COP1: variants seen among roughly 807,000 people sequenced by gnomAD.
The protein encoded by COP1 is E3 ubiquitin-protein ligase COP1.
A neutral mutation model predicts 101.3 loss-of-function variants in COP1; 24 were observed. The observed-to-expected ratio is 0.24, with a 90% CI of 0.17 to 0.33. COP1 has a LOEUF of 0.33. Ranked by LOEUF, COP1 falls within the 10% of genes least tolerant of loss-of-function variation. The probability of loss-of-function intolerance (pLI) is 1.00; values close to 1 mark genes in which losing one functional copy is unlikely to be tolerated. For synonymous variants in COP1, 347 were observed against 341.9 expected (o/e 1.01, Z -0.17); for missense variants, 663 against 906.2 (o/e 0.73, Z 3.45).
At chr1:176,010,374 G>A (rs1045234880) in intron 15 of COP1, among the ~76,000 whole-genome samples, 1 of 151,950 alleles carries the variant, frequency 6.6e-6, no homozygotes, top group Non-Finnish European at 1.5e-5. Flanking sequence ...GTTTAAAAAA[G>A]GGCCTGAATA....
At chr1:175,991,936 T>C (rs1348842196) in intron 15 of COP1, among the ~76,000 whole-genome samples, 1 of 152,182 alleles carries the variant, frequency 6.6e-6, no homozygotes, top group African/African-American at 2.4e-5. Context: ...GGCTGTTGTA[T>C]AGTAACTTAA....
chr1:176,078,035 T>G (rs570074984), intron 11 of COP1, among the ~76,000 whole-genome samples: 1 of 152,248 alleles, frequency 6.6e-6, no homozygotes, highest in East Asian at 1.9e-4. Flanking sequence ...TAAGCATGAT[T>G]TGGAAGAATC....
chr1:176,198,280 G>A (rs1482934430), intron 1 of COP1, among the ~76,000 whole-genome samples: 1 of 152,008 alleles, frequency 6.6e-6, no homozygotes, highest in African/African-American at 2.4e-5. Flanking sequence ...ACTTGTGTAG[G>A]GATAAACATA....
At chr1:176,016,137 G>A (rs1024443312) in intron 15 of COP1, among the ~76,000 whole-genome samples, 2 of 152,146 alleles carry the variant, frequency 1.3e-5, no homozygotes, top group African/African-American at 4.8e-5. Flanking sequence ...AAGTAGAATA[G>A]AAATGTCTGG....
At chr1:176,057,432 C>G (rs997637325) in intron 11 of COP1, among the ~76,000 whole-genome samples, 3 of 152,310 alleles carry the variant, frequency 2.0e-5, no homozygotes, top group Middle Eastern at 6.8e-3. Context: ...TGCAACCCCC[C>G]TGCCTGATTC....
At chr1:176,019,065 C>T (rs1489811923) in intron 15 of COP1, among the ~76,000 whole-genome samples, 1 of 152,108 alleles carries the variant, frequency 6.6e-6, no homozygotes, top group African/African-American at 2.4e-5. Context: ...ACTTGGAAGG[C>T]TGAGGCACGA....
chr1:176,025,192 A>G (rs1667454583), intron 15 of COP1, among the ~76,000 whole-genome samples: 2 of 152,172 alleles, frequency 1.3e-5, no homozygotes, highest in African/African-American at 4.8e-5. Context: ...AAAAGTAGAT[A>G]TTCTAAACAG....
chr1:175,997,440 C>G (rs1660457039), intron 15 of COP1, among the ~76,000 whole-genome samples: 1 of 152,000 alleles, frequency 6.6e-6, no homozygotes, highest in African/African-American at 2.4e-5. Flanking sequence ...GCAAAAGAAA[C>G]TACCATCAGA....
intron 3 of COP1, among the ~76,000 whole-genome samples, chr1:176,173,986 CAAAA>C (rs1212803591): frequency 4.3e-4 from 21 of 49,076 alleles, no homozygotes; most frequent in East Asian, 8.9e-4. Flanking sequence ...GATGCTGTCT[CAAAA>C]AAAAAAAAAA....
chr1:176,133,167 T>TGTACACACATACGTATATACGTAC (rs1689190418), intron 8 of COP1, among the ~76,000 whole-genome samples: 2 of 120,086 alleles, frequency 1.7e-5, no homozygotes, highest in African/African-American at 2.7e-5. Flanking sequence ...TATATACGTA[T>TGTACACACATACGTATATACGTAC]GTACACACAT....
chr1:176,205,378 C>T (rs1700724948), intron 1 of COP1, among the ~76,000 whole-genome samples: 1 of 152,116 alleles, frequency 6.6e-6, no homozygotes, highest in South Asian at 2.1e-4. Context: ...TGAATAAAGA[C>T]ATCATTTTTC....
At chr1:176,179,513 T>C (rs954965740) in intron 2 of COP1, among the ~76,000 whole-genome samples, 5 of 151,856 alleles carry the variant, frequency 3.3e-5, no homozygotes, top group Non-Finnish European at 4.4e-5. Flanking sequence ...GGCAGGAGGA[T>C]TGCCTGAGCC....
chr1:176,081,042 A>G, intron 11 of COP1, 110 bp downstream of exon 11: 4 of 924,158 alleles, frequency 4.3e-6, no homozygotes, highest in Non-Finnish European at 6.5e-6. Context: ...AATAATTGGC[A>G]GGCTACTTCA....
chr1:176,123,796 TA>T (rs1296925038), intron 8 of COP1, among the ~76,000 whole-genome samples: 1 of 152,130 alleles, frequency 6.6e-6, no homozygotes, highest in Non-Finnish European at 1.5e-5. Flanking sequence ...CTTTCTCTTA[TA>T]AAAAGGAAAA....
intron 18 of COP1, among the ~76,000 whole-genome samples, chr1:175,978,518 C>G (rs1278274456): frequency 6.6e-6 from 1 of 152,112 alleles, no homozygotes; most frequent in African/African-American, 2.4e-5. Flanking sequence ...TTTCTACCAC[C>G]TTCTTATTTC....
intron 9 of COP1, among the ~76,000 whole-genome samples, chr1:176,089,843 AT>A (rs1198337702): frequency 6.6e-6 from 1 of 152,198 alleles, no homozygotes; most frequent in Non-Finnish European, 1.5e-5. Context: ...AAATCAATAT[AT>A]TTTACCCCCA....
At chr1:176,154,992 A>G (rs911077676) in intron 5 of COP1, among the ~76,000 whole-genome samples, 2 of 152,204 alleles carry the variant, frequency 1.3e-5, no homozygotes, top group African/African-American at 4.8e-5. Flanking sequence ...ATTTCAGAAC[A>G]CACATGCTTA....
chr1:176,134,342 A>C, intron 8 of COP1, among the ~76,000 whole-genome samples: 1 of 152,064 alleles, frequency 6.6e-6, no homozygotes, highest in Non-Finnish European at 1.5e-5. Context: ...AAAAATTCAA[A>C]ACTCAAGATT....
chr1:176,089,329 T>C (rs1019703840), intron 9 of COP1, among the ~76,000 whole-genome samples: 6 of 83,376 alleles, frequency 7.2e-5, no homozygotes, highest in South Asian at 3.9e-4. Context: ...ACAACAACAA[T>C]CTATTTAATA....
Sources: allele counts gnomAD v4.1 joint callset (sites outside exome capture counted in the v4.1 genomes callset), GRCh38; gene constraint gnomAD v4.1.1; transcripts MANE v1.5; gene names NCBI Gene and HGNC (gene_info 2026-07-23, HGNC 2026-07-21).